HPSE2: variants seen among roughly 807,000 people sequenced by gnomAD.
The protein encoded by HPSE2 is inactive heparanase-2.
In HPSE2, 38 loss-of-function variants were observed where a neutral mutation model predicts 60.5. The ratio of observed to expected loss-of-function variants is 0.63; its 90% confidence interval spans 0.48 to 0.82. The LOEUF is 0.82. Among genes scored for constraint, HPSE2 ranks in the 40% least tolerant of loss-of-function variants. HPSE2 has a pLI of 0.00. For missense variants in HPSE2, 713 were observed against 740.4 expected, an observed-to-expected ratio of 0.96 and a Z score of 0.43; for synonymous variants, 295 against 293.2, an observed-to-expected ratio of 1.01 and a Z score of -0.06.
chr10:99,305,962 C>CGCGCGT, the HPSE2 span, among the ~76,000 whole-genome samples: 5 of 30,102 alleles, frequency 1.7e-4, 1 homozygote, highest in African/African-American at 3.6e-4. Flanking sequence ...CTCACACACA[C>CGCGCGT]GCGCGCGCGC....
At chr10:98,763,663 A>G (rs1950056661) in intron 3 of HPSE2, among the ~76,000 whole-genome samples, 1 of 151,978 alleles carries the variant, frequency 6.6e-6, no homozygotes, top group Admixed American at 6.6e-5. Context: ...TATATTTATC[A>G]TAAGAAACTA....
chr10:99,120,561 C>T (rs1488633681), intron 3 of HPSE2, among the ~76,000 whole-genome samples: 1 of 151,978 alleles, frequency 6.6e-6, no homozygotes, highest in South Asian at 2.1e-4. Flanking sequence ...GCAACCTCCA[C>T]CTCCCAGGTT....
In HPSE2 at chr10:98,700,670, T is replaced by C. The variant is rs1168999749; in HGVS notation, c.957-6723A>G. On this transcript the variant is annotated intron_variant, in intron 5 of 11. Transcript: ENST00000370552. ...GGATCTAATTAAACTAAAGAGCTTC[T>C]GCACAGCAAAAGAAACTACTATCAG... Among the ~76,000 whole-genome samples the C allele has an allele frequency of 2.9e-5, 2 of 68,702 alleles. 1 individual carries two copies. The highest frequency in any genetic ancestry group is 8.1e-5 in the Non-Finnish European group (2 of 24,580). The allele number at this position is 68,702 out of a possible 152,430, so 45.1% of individuals were successfully genotyped here.
intron 3 of HPSE2, among the ~76,000 whole-genome samples, chr10:99,003,324 T>C (rs1956818806): frequency 6.6e-6 from 1 of 152,154 alleles, no homozygotes; most frequent in Admixed American, 6.5e-5. Context: ...TCAGTGCAGA[T>C]ATGTCTTCAA....
chr10:99,263,008 G>A, the HPSE2 span, among the ~76,000 whole-genome samples: 2 of 152,112 alleles, frequency 1.3e-5, no homozygotes, highest in Admixed American at 6.5e-5. Flanking sequence ...CAAGAGCCAG[G>A]ACCGTGCCCT....
At chr10:98,683,626 G>A (rs1352209395) in intron 6 of HPSE2, among the ~76,000 whole-genome samples, 1 of 151,510 alleles carries the variant, frequency 6.6e-6, no homozygotes, top group African/African-American at 2.4e-5. Context: ...TGATTAAGGA[G>A]GTTTATCAGA....
chr10:99,183,537 C>T (rs1428116987), intron 2 of HPSE2, among the ~76,000 whole-genome samples: 3 of 152,266 alleles, frequency 2.0e-5, no homozygotes, highest in Non-Finnish European at 2.9e-5. Flanking sequence ...CCTCCTTGGC[C>T]CTCCCTAATT....
At chr10:99,156,770 G>A (rs1265468980) in intron 2 of HPSE2, among the ~76,000 whole-genome samples, 2 of 125,400 alleles carry the variant, frequency 1.6e-5, no homozygotes, top group African/African-American at 5.1e-5. Context: ...GCAGGAGAAG[G>A]AAATAAAGGG....
intron 9 of HPSE2, among the ~76,000 whole-genome samples, chr10:98,598,426 G>A (rs762155500): frequency 1.8e-4 from 28 of 152,144 alleles, no homozygotes; most frequent in Non-Finnish European, 4.0e-4. Context: ...CCTGGAGCCT[G>A]TATCTGTGGG....
intron 2 of HPSE2, among the ~76,000 whole-genome samples, chr10:99,152,332 CTG>C (rs1446443898): frequency 6.9e-6 from 1 of 145,664 alleles, no homozygotes; most frequent in Non-Finnish European, 1.5e-5. Flanking sequence ...AAAAAAAAGA[CTG>C]AGAGAATTTG....
chr10:98,850,488 G>A (rs1264070432), intron 3 of HPSE2, among the ~76,000 whole-genome samples: 1 of 152,086 alleles, frequency 6.6e-6, no homozygotes, highest in Non-Finnish European at 1.5e-5. Context: ...TGTAATCCCA[G>A]CACTTTGGGA....
At chr10:98,607,398 T>A (rs1376137010) in intron 9 of HPSE2, among the ~76,000 whole-genome samples, 1 of 152,220 alleles carries the variant, frequency 6.6e-6, no homozygotes, top group African/African-American at 2.4e-5. Flanking sequence ...TTTCAATTGT[T>A]GCTTCTCAGT....
intron 6 of HPSE2, among the ~76,000 whole-genome samples, chr10:98,663,023 T>C (rs1947265345): frequency 1.3e-5 from 2 of 152,170 alleles, no homozygotes; most frequent in Non-Finnish European, 2.9e-5. Context: ...GGTCATTTAA[T>C]ATTTATAGGG....
chr10:99,224,420 G>GAC (rs34148639), intron 2 of HPSE2, among the ~76,000 whole-genome samples: 6,069 of 143,578 alleles, frequency 0.042, 154 homozygotes, highest in Middle Eastern at 0.068. Flanking sequence ...CTTTCTCTCT[G>GAC]ACACACACAC....
Position 99,012,966 on chromosome 10 carries a change from TCTTA to T in HPSE2, c.610+131268_610+131271del, listed in dbSNP as rs145530063. The T allele has an allele frequency of 3.2e-4, 101 of 314,570 alleles. 2 individuals carry two copies. In the East Asian group the frequency reaches 7.9e-3, roughly 25 times the overall value. 19.5% of individuals were successfully genotyped at this position (314,570 alleles called of 1,614,324 possible). A position where few individuals can be genotyped will look rare whatever the true frequency, so the allele number is the denominator to read the frequency against. Reference sequence around the variant, plus strand: ...TTCATCTTTGTTTTCAAATAAGTGGTCTTACTTTTTCTTCTCATAGAAAAAGTTT... The same window carrying T: ...TTCATCTTTGTTTTCAAATAAGTGGTCTTTTTCTTCTCATAGAAAAAGTTT... On this transcript the variant is annotated intron_variant, in intron 3 of 11. Coordinates refer to ENST00000370552, the MANE Select transcript of HPSE2 (RefSeq NM_021828.5).
At chr10:98,693,870 T>A (rs999034411) in intron 6 of HPSE2, 30 bp downstream of exon 6, 1 of 1,549,060 alleles carries the variant, frequency 6.5e-7, no homozygotes, top group Non-Finnish European at 8.9e-7. Context: ...CAGCTGATAA[T>A]AAGTAAGAGC....
intron 4 of HPSE2, among the ~76,000 whole-genome samples, chr10:98,729,785 G>T (rs1949184126): frequency 6.6e-6 from 1 of 151,666 alleles, no homozygotes; most frequent in South Asian, 2.1e-4. Flanking sequence ...TGAGAAGAAA[G>T]GTCTCAACAT....
chr10:99,110,858 C>G (rs977776517), intron 3 of HPSE2, among the ~76,000 whole-genome samples: 1 of 152,178 alleles, frequency 6.6e-6, no homozygotes, highest in Non-Finnish European at 1.5e-5. Context: ...TCTATATTTT[C>G]TCCTATGTTA....
chr10:98,959,813 T>G (rs1023706966), intron 3 of HPSE2, among the ~76,000 whole-genome samples: 5 of 152,098 alleles, frequency 3.3e-5, no homozygotes, highest in African/African-American at 1.2e-4. Flanking sequence ...TAAGCTCATT[T>G]TTACATCTAG....
Sources: allele counts gnomAD v4.1 joint callset (sites outside exome capture counted in the v4.1 genomes callset), GRCh38; gene constraint gnomAD v4.1.1; transcripts MANE v1.5; gene names NCBI Gene and HGNC (gene_info 2026-07-23, HGNC 2026-07-21).